The following PPP2R2B variants were observed in gnomAD, a reference collection of about 807,000 sequenced individuals.
PPP2R2B encodes the protein serine/threonine-protein phosphatase 2A 55 kDa regulatory subunit B beta isoform.
Under a neutral mutation model 46.0 loss-of-function variants are expected in PPP2R2B, and 5 were observed. That is an observed-to-expected ratio of 0.11 (90% CI 0.06 to 0.23). PPP2R2B has a LOEUF of 0.23. Among genes scored for constraint, PPP2R2B ranks in the 10% least tolerant of loss-of-function variants. PPP2R2B has a pLI of 1.00. For synonymous variants in PPP2R2B, 215 were observed against 206.7 expected (o/e 1.04, Z -0.34); for missense variants, 367 against 575.0 (o/e 0.64, Z 3.70).
At chr5:146,712,722 G>A (rs1405504081) in intron 2 of PPP2R2B, among the ~76,000 whole-genome samples, 1 of 152,132 alleles carries the variant, frequency 6.6e-6, no homozygotes, top group African/African-American at 2.4e-5. Flanking sequence ...ACCACTCTGT[G>A]CATCCCTCCC....
intron 2 of PPP2R2B, among the ~76,000 whole-genome samples, chr5:146,702,340 G>A (rs564974209): frequency 4.6e-5 from 7 of 152,246 alleles, no homozygotes; most frequent in African/African-American, 1.7e-4. Context: ...CATTCATTGT[G>A]CAGAAGTTAA....
intron 1 of PPP2R2B, among the ~76,000 whole-genome samples, chr5:146,991,764 C>G (rs1753708245): frequency 6.6e-6 from 1 of 151,776 alleles, no homozygotes; most frequent in Non-Finnish European, 1.5e-5. Context: ...AAGAGAACAA[C>G]CATATTTTAC....
rs75132174 is a variant in PPP2R2B, at chr5:146,941,227, C to A, written c.79+114438G>T. On this transcript the variant is annotated intron_variant, in intron 1 of 8. Transcript: ENST00000336640. ...TCCTCCCACCCTTTCTTCTCCCCAA[C>A]AAATGCCATATGTCTGTTCACAATG... Among the ~76,000 whole-genome samples the A allele has an allele frequency of 4.6e-5, 7 of 152,276 alleles. No homozygotes were observed. In the East Asian group the frequency reaches 1.4e-3, roughly 29 times the overall value.
intron 1 of PPP2R2B, among the ~76,000 whole-genome samples, chr5:147,014,278 A>G (rs2151880386): frequency 6.7e-6 from 1 of 148,344 alleles, no homozygotes; most frequent in South Asian, 2.2e-4. Flanking sequence ...ACACTTTTAC[A>G]CTGTTGGTGG....
intron 2 of PPP2R2B, among the ~76,000 whole-genome samples, chr5:146,712,978 C>A (rs780329365): frequency 6.6e-6 from 1 of 152,210 alleles, no homozygotes; most frequent in Non-Finnish European, 1.5e-5. Flanking sequence ...GATAAGATAT[C>A]TGTCCTCATG....
chr5:146,762,806 T>C (rs1411335857), intron 2 of PPP2R2B, among the ~76,000 whole-genome samples: 10 of 152,190 alleles, frequency 6.6e-5, no homozygotes, highest in African/African-American at 2.4e-4. Context: ...CAAGAGGCTG[T>C]GGATTCATAG....
At chr5:146,806,723 G>A (rs1757199302) in intron 2 of PPP2R2B, among the ~76,000 whole-genome samples, 1 of 152,200 alleles carries the variant, frequency 6.6e-6, no homozygotes, top group Admixed American at 6.5e-5. Flanking sequence ...CACCAACCAG[G>A]ATAGTATGAA....
intron 2 of PPP2R2B, among the ~76,000 whole-genome samples, chr5:146,830,386 G>A (rs1164556995): frequency 6.6e-6 from 1 of 152,184 alleles, no homozygotes; most frequent in East Asian, 1.9e-4. Flanking sequence ...TAAGGTTAAT[G>A]TGACACTTAA....
chr5:147,049,943 A>C (rs913440332), intron 1 of PPP2R2B, among the ~76,000 whole-genome samples: 5 of 152,160 alleles, frequency 3.3e-5, no homozygotes, highest in African/African-American at 1.2e-4. Context: ...GTGAAGGAAG[A>C]TACAGGCTCA....
chr5:146,905,186 T>A (rs1333357463), intron 1 of PPP2R2B, among the ~76,000 whole-genome samples: 1 of 152,144 alleles, frequency 6.6e-6, no homozygotes, highest in Non-Finnish European at 1.5e-5. Flanking sequence ...ACTCTCATAC[T>A]TTGCTGGTGG....
chr5:146,877,588 T>C (rs964298341), intron 2 of PPP2R2B, among the ~76,000 whole-genome samples: 2 of 152,026 alleles, frequency 1.3e-5, no homozygotes, highest in Non-Finnish European at 2.9e-5. Context: ...TTGCCCTCCC[T>C]GCAGCCACTG....
rs1014267021 is a variant in PPP2R2B at position 146,691,390 on chromosome 5, C to T, written c.335-150G>A. ...CATAAACGTTTGGCGTGCATAAATC[C>T]CATGTCATTTGAAGGCAGAGCTCAT... On this transcript the variant is annotated intron_variant, in intron 4 of 9. Transcript: ENST00000394411. 4 of 610,536 alleles carry T rather than the reference C, an allele frequency of 6.6e-6. No homozygotes were observed. The East Asian group carries it at 1.1e-4, about 17-fold the overall frequency. 37.8% of individuals were successfully genotyped at this position (610,536 alleles called of 1,614,324 possible). A position where few individuals can be genotyped will look rare whatever the true frequency, so the allele number is the denominator to read the frequency against.
chr5:146,663,167 C>T (rs1776772915), intron 5 of PPP2R2B, among the ~76,000 whole-genome samples: 2 of 152,282 alleles, frequency 1.3e-5, no homozygotes, highest in South Asian at 4.1e-4. Flanking sequence ...AGACACAAAG[C>T]AGTAATGTGT....
chr5:146,676,057 C>G (rs1310547291), intron 5 of PPP2R2B, among the ~76,000 whole-genome samples: 1 of 151,964 alleles, frequency 6.6e-6, no homozygotes, highest in East Asian at 1.9e-4. Context: ...ATTGGAGAAA[C>G]CCGGTGGAGG....
intron 4 of PPP2R2B, among the ~76,000 whole-genome samples, chr5:146,696,233 A>G (rs1441884121): frequency 6.6e-6 from 1 of 151,844 alleles, no homozygotes; most frequent in Non-Finnish European, 1.5e-5. Flanking sequence ...CCTCCCGAGT[A>G]GCCAGGACTA....
rs577896285 is a variant in PPP2R2B at position 146,688,964 on chromosome 5, A to G, written c.447+2164T>C. On this transcript the variant is annotated intron_variant, in intron 5 of 9. Coordinates refer to ENST00000394411, the MANE Select transcript of PPP2R2B (RefSeq NM_181675.4). ...GGGGCAAAAGACAGTCTTATTCCCA[A>G]TATATTGCCAGTACGGTGTTTGCCA... Among the ~76,000 whole-genome samples, 59 of 152,304 alleles carry G rather than the reference A, an allele frequency of 3.9e-4. 2 individuals are homozygous for G. In the South Asian group the frequency reaches 0.011, roughly 29 times the overall value.
intron 1 of PPP2R2B, among the ~76,000 whole-genome samples, chr5:146,929,866 T>C: frequency 6.6e-6 from 1 of 152,138 alleles, no homozygotes; most frequent in South Asian, 2.1e-4. Context: ...TATTACAGGT[T>C]TGGGGTTAGA....
intron 2 of PPP2R2B, among the ~76,000 whole-genome samples, chr5:146,825,530 A>C (rs1012025749): frequency 6.6e-6 from 1 of 152,158 alleles, no homozygotes. Context: ...TTGCATTTCT[A>C]TTTGTATCAT....
intron 8 of PPP2R2B, among the ~76,000 whole-genome samples, chr5:146,598,686 C>A (rs890807057): frequency 1.3e-5 from 2 of 152,110 alleles, no homozygotes; most frequent in African/African-American, 4.8e-5. Context: ...CCTGTTATAT[C>A]CCGCATCAAA....
Sources: gnomAD v4.1 joint callset for allele counts (sites outside exome capture counted in the v4.1 genomes callset) on GRCh38, gnomAD v4.1.1 for gene constraint, MANE v1.5 for transcripts, NCBI Gene and HGNC (gene_info 2026-07-23, HGNC 2026-07-21) for gene names.